TBCD: variants seen among roughly 807,000 people sequenced by gnomAD.
TBCD encodes tubulin folding cofactor D, also known as tubulin-specific chaperone D.
A neutral mutation model predicts 169.3 loss-of-function variants in TBCD; 105 were observed. The ratio of observed to expected loss-of-function variants is 0.62; its 90% CI spans 0.53 to 0.73. The LOEUF (loss-of-function observed/expected upper bound fraction) is 0.73. TBCD is among the 30% of genes least tolerant of loss of function. The probability of loss-of-function intolerance (pLI) is 0.00; values close to 1 mark genes in which losing one functional copy is unlikely to be tolerated. For synonymous variants in TBCD, 700 were observed against 643.9 expected, an observed-to-expected ratio of 1.09 and a Z score of -1.32; for missense variants, 1,444 against 1,600.1, an observed-to-expected ratio of 0.90 and a Z score of 1.66.
chr17:82,818,837 CG>C (rs1567831355), intron 13 of TBCD, among the ~76,000 whole-genome samples: 2 of 152,170 alleles, frequency 1.3e-5, no homozygotes, highest in Non-Finnish European at 2.9e-5. Flanking sequence ...GAGGCCAAGG[CG>C]GGGGGATCAC....
chr17:82,757,358 TG>T (rs2047456571), intron 2 of TBCD, among the ~76,000 whole-genome samples: 1 of 152,126 alleles, frequency 6.6e-6, no homozygotes, highest in Non-Finnish European at 1.5e-5. Flanking sequence ...TGGTGGCTCA[TG>T]CCTGTAATCC....
At chr17:82,921,966 C>T (rs564973139) in intron 25 of TBCD, among the ~76,000 whole-genome samples, 22 of 152,324 alleles carry the variant, frequency 1.4e-4, no homozygotes, top group Non-Finnish European at 2.4e-4. Context: ...GACCTCTGCT[C>T]GCACACATTG....
intron 7 of TBCD, among the ~76,000 whole-genome samples, chr17:82,784,822 G>A (rs538013490): frequency 3.9e-5 from 6 of 152,354 alleles, no homozygotes; most frequent in African/African-American, 1.4e-4. Flanking sequence ...AAGACCATGA[G>A]CCTTACCCGG....
At chr17:82,790,383 T>G (rs2049623107) in intron 7 of TBCD, among the ~76,000 whole-genome samples, 2 of 152,082 alleles carry the variant, frequency 1.3e-5, no homozygotes, top group Admixed American at 1.3e-4. Context: ...GTGGCCTGGG[T>G]AAAGCGTGGC....
At chr17:82,893,411 G>T (rs2059279965) in intron 16 of TBCD, 136 bp from the exon 17 acceptor site, 1 of 651,638 alleles carries the variant, frequency 1.5e-6, no homozygotes, top group Admixed American at 3.1e-5. Flanking sequence ...TGTCTGTGGT[G>T]TGTGGCTTGC....
chr17:82,756,072 C>T lies in TBCD; in HGVS notation c.185-93C>T, dbSNP rs2451216. The T allele has an allele frequency of 4.4e-3, 5,015 of 1,135,310 alleles. 16 individuals carry two copies. The highest frequency in any genetic ancestry group is 5.7e-3 in the Non-Finnish European group (4,408 of 770,176). The allele number at this position is 1,135,310 out of a possible 1,614,324, so 70.3% of individuals were successfully genotyped here. A position where few individuals can be genotyped will look rare whatever the true frequency, so the allele number is the denominator to read the frequency against. On this transcript the variant is annotated intron_variant, in intron 1 of 38. Transcript: ENST00000355528. ...GAGCTGGGGAAGAGGTGGAGCTGCC[C>T]TGTGGAAGCTAGCAAGGGAAAATGG...
rs2058575295 is a variant in TBCD at position 82,884,260 on chromosome 17, C to T, written c.1533+58C>T. On this transcript the variant is annotated intron_variant, in intron 15 of 38. Transcript: ENST00000355528. The surrounding 1 kb of genome is among the most constrained non-coding windows in gnomAD (Gnocchi z 4.2). ...GAAGGTGGGGGGTGGGCCTGGTCTCCCTGATGCTCCTCTGTGCACTGCTGC... is the reference window on the plus strand; with the variant it reads ...GAAGGTGGGGGGTGGGCCTGGTCTCTCTGATGCTCCTCTGTGCACTGCTGC... 2.0e-6 allele frequency: 3 copies of T among 1,475,212 alleles called. No homozygotes were observed. The highest frequency in any genetic ancestry group is 2.8e-6 in the Non-Finnish European group (3 of 1,076,556). 91.4% of individuals were successfully genotyped at this position (1,475,212 alleles called of 1,614,324 possible).
chr17:82,921,265 AT>A, intron 24 of TBCD: 1 of 558,126 alleles, frequency 1.8e-6, no homozygotes, highest in Non-Finnish European at 3.2e-6. Flanking sequence ...ATGTATAAAA[AT>A]TTACAGAATG....
In TBCD at chr17:82,880,928, G is replaced by A. The variant is rs537830742; in HGVS notation, c.1476-3217G>A. Among the ~76,000 whole-genome samples the A allele has an allele frequency of 3.2e-5, 4 of 123,640 alleles. No individual in the cohort carries two copies. Among genetic ancestry groups the A allele is most frequent in the East Asian group, 2.3e-4 (1 of 4,402 alleles). 81.1% of individuals were successfully genotyped at this position (123,640 alleles called of 152,430 possible). ...CTTTGGATGGCTCCAGGCGGAACTC[G>A]GGGAAGGAGGCCGTGTACTCCCATA... is the stretch of plus-strand genomic sequence containing the variant. On this transcript the variant is annotated intron_variant, in intron 14 of 38. Transcript: ENST00000355528. This position sits in a 1 kb window ranked among gnomAD's most constrained non-coding sequence, Gnocchi z 5.0.
intron 13 of TBCD, among the ~76,000 whole-genome samples, chr17:82,847,148 G>A (rs376942174): frequency 1.6e-4 from 25 of 152,098 alleles, no homozygotes; most frequent in East Asian, 1.4e-3. Context: ...TCAGGAGATC[G>A]AGACCATCTT....
At chr17:82,853,758 T>G (rs2056016654) in intron 13 of TBCD, among the ~76,000 whole-genome samples, 1 of 152,206 alleles carries the variant, frequency 6.6e-6, no homozygotes, top group African/African-American at 2.4e-5. Flanking sequence ...GTCTTTTAAT[T>G]TTTTTATATT....
intron 6 of TBCD, among the ~76,000 whole-genome samples, chr17:82,781,323 G>A (rs1041720967): frequency 6.8e-6 from 1 of 147,250 alleles, no homozygotes; most frequent in African/African-American, 2.5e-5. Flanking sequence ...CAGGCGGGGG[G>A]GGATGGGCAG....
At position 82,798,117 on chromosome 17, in the gene TBCD, C is replaced by G. The variant is rs1235518516; in HGVS notation, c.817+315C>G. Among the ~76,000 whole-genome samples the G allele has an allele frequency of 2.0e-5, 3 of 150,952 alleles. 1 individual carries two copies. The South Asian group carries it at 6.3e-4, about 32-fold the overall frequency. ...TCAGCCTCCCGAGTAGCTGGGACTA[C>G]AGGTGCCTGCCACCATGCCCAGCTA... On this transcript the variant is annotated intron_variant, in intron 8 of 38. Transcript: ENST00000355528.
intron 34 of TBCD, among the ~76,000 whole-genome samples, chr17:82,933,617 C>T (rs1175552790): frequency 1.3e-5 from 2 of 150,160 alleles, no homozygotes; most frequent in Non-Finnish European, 3.0e-5. Context: ...GGGGGCACTG[C>T]TTTTTTTTTG....
intron 9 of TBCD, among the ~76,000 whole-genome samples, chr17:82,802,832 C>T (rs1219834223): frequency 3.9e-5 from 6 of 152,260 alleles, no homozygotes; most frequent in South Asian, 2.1e-4. Flanking sequence ...AATAGCGGGG[C>T]GCCCCACGGC....
Position 82,833,051 on chromosome 17 carries a change from C to T in TBCD, c.1318+18117C>T, listed in dbSNP as rs2145295735. Among the ~76,000 whole-genome samples, 1 of 152,214 alleles carries T rather than the reference C, an allele frequency of 6.6e-6. No homozygotes were observed. Among genetic ancestry groups the T allele is most frequent in the East Asian group, 1.9e-4 (1 of 5,156 alleles). On this transcript the variant is annotated intron_variant, in intron 13 of 38. Transcript: ENST00000355528. The surrounding 1 kb of genome is among the most constrained non-coding windows in gnomAD (Gnocchi z 4.7). ...CCAGGGTCTGGACAGAGTCCTGTCC[C>T]AGGGCTGCCCGACTCTGCTTGGGGG...
intron 13 of TBCD, among the ~76,000 whole-genome samples, chr17:82,856,767 G>A: frequency 7.0e-6 from 1 of 142,888 alleles, no homozygotes; most frequent in Non-Finnish European, 1.5e-5. Context: ...ATCCAGGGCG[G>A]GATCGCTGGA....
Position 82,795,582 on chromosome 17 carries a change from G to T in TBCD, c.772-2175G>T, listed in dbSNP as rs150799248. The T allele has an allele frequency of 5.4e-5, 53 of 985,566 alleles. No homozygotes were observed. The East Asian group carries it at 4.6e-3, about 86-fold the overall frequency. 61.1% of individuals were successfully genotyped at this position (985,566 alleles called of 1,614,324 possible). On this transcript the variant is annotated intron_variant, in intron 7 of 38. Transcript: ENST00000355528. ...ATGTGGCCATGGCTGCAGGTGATACGGTGGTGCTCTTTGCCTGTAGGATGA... is the reference window on the plus strand; with the variant it reads ...ATGTGGCCATGGCTGCAGGTGATACTGTGGTGCTCTTTGCCTGTAGGATGA...
At chr17:82,877,620 G>A (rs974703127) in intron 14 of TBCD, among the ~76,000 whole-genome samples, 1 of 152,150 alleles carries the variant, frequency 6.6e-6, no homozygotes, top group Non-Finnish European at 1.5e-5. Flanking sequence ...GATTACAGGC[G>A]TGAGCCACTG....
Sources: gnomAD v4.1 joint callset for allele counts (sites outside exome capture counted in the v4.1 genomes callset) on GRCh38, gnomAD v4.1.1 for gene constraint, Gnocchi (gnomAD v3.1) non-coding constraint, MANE v1.5 for transcripts, NCBI Gene and HGNC (gene_info 2026-07-23, HGNC 2026-07-21) for gene names.